ZNF177: variants seen among roughly 807,000 people sequenced by gnomAD.
The protein encoded by ZNF177 is zinc finger protein 177.
ZNF177 carries 17 observed loss-of-function variants against 19.4 expected under a neutral mutation model. That is an observed-to-expected ratio of 0.87 (90% CI 0.60 to 1.31). The LOEUF is 1.31. ZNF177 is among the 40% of genes most tolerant of loss of function. The pLI is 0.00. For synonymous variants in ZNF177, 220 were observed against 188.7 expected (o/e 1.17, Z -1.36); for missense variants, 633 against 561.8 (o/e 1.13, Z -1.28).
chr19:9,370,333 C>T (rs1275916075), intron 2 of ZNF177, among the ~76,000 whole-genome samples: 2 of 151,828 alleles, frequency 1.3e-5, no homozygotes, highest in African/African-American at 4.8e-5. Flanking sequence ...TATTTTTTCC[C>T]TCCCATTTAC....
At chr19:9,379,484 T>C in intron 3 of ZNF177, 43 bp from the exon 6 acceptor site, 1 of 1,593,442 alleles carries the variant, frequency 6.3e-7, no homozygotes, top group Non-Finnish European at 8.5e-7. Context: ...GAATATTTAA[T>C]TCTCACACAT....
rs76564183 is a variant in ZNF177, at chr19:9,380,468, G to T, written c.337-200G>T. On this transcript the variant is annotated intron_variant, in intron 5 of 5. Transcript: ENST00000589262. ...AGAAGCCCTTTGCTGGGAAGGAATA[G>T]AGCCTTGGACAGAGGAGTGAGCTTA... The T allele has an allele frequency of 3.6e-4, 371 of 1,036,074 alleles. No individual in the cohort carries two copies. In the African/African-American group the frequency reaches 4.3e-3, roughly 12 times the overall value. The allele number at this position is 1,036,074 out of a possible 1,614,324, so 64.2% of individuals were successfully genotyped here.
At chr19:9,376,550 T>G (rs1262838124) in intron 1 of ZNF177, 127 bp downstream of exon 3, 1 of 152,224 alleles carries the variant, frequency 6.6e-6, no homozygotes, top group Non-Finnish European at 1.5e-5. Flanking sequence ...CTTTGATTTC[T>G]TTCTCTTTTC....
exon 6 of ZNF177, chr19:9,382,162 AAAGT>A: frequency 2.5e-6 from 1 of 400,780 alleles, no homozygotes; most frequent in Admixed American, 4.0e-5. Context: ...CTTCTTTCTT[AAAGT>A]AATAAAATTT....
intron 1 of ZNF177, among the ~76,000 whole-genome samples, chr19:9,377,840 ATG>A (rs200459993): frequency 0.033 from 5,066 of 152,240 alleles, 115 homozygotes; most frequent in South Asian, 0.1. Flanking sequence ...GCCCAACCCT[ATG>A]AAATTGGTCC....
chr19:9,369,673 T>G (rs2068023746), intron 2 of ZNF177, among the ~76,000 whole-genome samples: 1 of 152,126 alleles, frequency 6.6e-6, no homozygotes, highest in African/African-American at 2.4e-5. Flanking sequence ...TTTGTTTCAT[T>G]TCCCTTATTT....
intron 2 of ZNF177, among the ~76,000 whole-genome samples, chr19:9,367,191 G>A (rs961082198): frequency 1.8e-4 from 28 of 152,120 alleles, no homozygotes; most frequent in South Asian, 6.2e-4. Flanking sequence ...GTGGTGGCAC[G>A]CGTCTGTAGT....
chr19:9,378,285 CCAG>C (rs1424520638), exon 2 of ZNF177: 24 of 1,613,166 alleles, frequency 1.5e-5, no homozygotes, highest in Non-Finnish European at 1.9e-5. Flanking sequence ...CTCTGCCCAG[CCAG>C]GAAGGAAACC....
At chr19:9,366,809 C>G (rs1056616854) in intron 2 of ZNF177, among the ~76,000 whole-genome samples, 29 of 152,120 alleles carry the variant, frequency 1.9e-4, no homozygotes, top group African/African-American at 6.8e-4. Context: ...ACTTCACTCC[C>G]CTCCACAAAA....
At chr19:9,369,622 A>C (rs1236691311) in intron 2 of ZNF177, among the ~76,000 whole-genome samples, 1 of 151,618 alleles carries the variant, frequency 6.6e-6, no homozygotes. Flanking sequence ...ATTTTTTACC[A>C]TCTTACATTT....
chr19:9,381,151 T>C, exon 6 of ZNF177: 2 of 1,614,178 alleles, frequency 1.2e-6, no homozygotes, highest in Non-Finnish European at 1.7e-6. Context: ...CCTTCAGAAC[T>C]GTGTCAGAAC....
chr19:9,370,563 G>A (rs1157175574), intron 2 of ZNF177, among the ~76,000 whole-genome samples: 4 of 151,808 alleles, frequency 2.6e-5, no homozygotes, highest in Non-Finnish European at 2.9e-5. Context: ...ACAGGCATGC[G>A]CCACCACGCC....
At chr19:9,368,915 T>C (rs781096285) in intron 2 of ZNF177, among the ~76,000 whole-genome samples, 11 of 152,182 alleles carry the variant, frequency 7.2e-5, no homozygotes, top group Non-Finnish European at 1.3e-4. Flanking sequence ...CTTAGTTACA[T>C]TGTAATTAAG....
chr19:9,381,489 C>T, exon 6 of ZNF177: 1 of 1,611,936 alleles, frequency 6.2e-7, no homozygotes, highest in African/African-American at 1.3e-5. Context: ...TTAAGAAACA[C>T]ACACGCTCTC....
chr19:9,377,001 T>TC (rs1491222188), intron 1 of ZNF177, among the ~76,000 whole-genome samples: 1 of 152,188 alleles, frequency 6.6e-6, no homozygotes, highest in African/African-American at 2.4e-5. Flanking sequence ...GAAGTTTTTA[T>TC]CTCTCCTTCA....
Position 9,379,635 on chromosome 19 carries a change from A to AACAGGGTGCAGCCTTGGCCAGT in ZNF177, c.253+17_253+38dup, listed in dbSNP as rs754008959. 4.4e-5 allele frequency: 71 copies of AACAGGGTGCAGCCTTGGCCAGT among 1,612,432 alleles called. No homozygotes were observed. Among genetic ancestry groups the AACAGGGTGCAGCCTTGGCCAGT allele is most frequent in the Middle Eastern group, 1.6e-4 (1 of 6,078 alleles). ...GACTGTGCAGGTGAGCCTTGGGCAG[A>AACAGGGTGCAGCCTTGGCCAGT]ACAGGGTGCAGCCTTGGCCAGTGAG... On this transcript the variant is annotated intron_variant, in intron 4 of 5. Transcript: ENST00000589262.
upstream of ZNF177, among the ~76,000 whole-genome samples, chr19:9,375,210 CT>C (rs1169983832): frequency 6.6e-6 from 1 of 152,000 alleles, no homozygotes; most frequent in African/African-American, 2.4e-5. Flanking sequence ...GTGTATGGTC[CT>C]TTTAAGGTAC....
At chr19:9,365,740 G>C (rs1467722816) in intron 2 of ZNF177, among the ~76,000 whole-genome samples, 1 of 152,080 alleles carries the variant, frequency 6.6e-6, no homozygotes, top group Non-Finnish European at 1.5e-5. Flanking sequence ...TCCTGTCTAC[G>C]AGAAAAGGAA....
exon 6 of ZNF177, chr19:9,381,449 G>A (rs760487134): frequency 6.2e-7 from 1 of 1,611,488 alleles, no homozygotes; most frequent in East Asian, 2.2e-5. Context: ...TGCAGTGACT[G>A]TGGAAAAGCC....
Sources: allele counts gnomAD v4.1 joint callset (sites outside exome capture counted in the v4.1 genomes callset), GRCh38; gene constraint gnomAD v4.1.1; transcripts MANE v1.5; gene names NCBI Gene and HGNC (gene_info 2026-07-23, HGNC 2026-07-21).